SLC25A51: variants seen among roughly 807,000 people sequenced by gnomAD.
SLC25A51 encodes the protein solute carrier family 25 member 51, also known as mitochondrial nicotinamide adenine dinucleotide transporter SLC25A51.
In SLC25A51, 11 loss-of-function variants were observed where a neutral mutation model predicts 19.1. That is an observed-to-expected ratio of 0.58 (90% confidence interval 0.36 to 0.96). The LOEUF is 0.96. Among genes scored for constraint, SLC25A51 ranks in the 40% least tolerant of loss-of-function variants. The pLI is 0.01. For synonymous variants in SLC25A51, 105 were observed against 133.6 expected (o/e 0.79, Z 1.47); for missense variants, 201 against 365.4 (o/e 0.55, Z 3.67).
At chr9:37,885,883 C>G, downstream of SLC25A51, 3 of 1,598,000 alleles carry the variant, frequency 1.9e-6, no homozygotes, top group Non-Finnish European at 2.6e-6. Flanking sequence ...TGCAAACCCC[C>G]CCCTCCCCAT....
downstream of SLC25A51, among the ~76,000 whole-genome samples, chr9:37,884,897 A>G (rs893557914): frequency 6.6e-6 from 1 of 152,324 alleles, no homozygotes; most frequent in African/African-American, 2.4e-5. Flanking sequence ...CAAACAGAAA[A>G]CTTTCAAACC....
chr9:37,887,487 G>A (rs1587157684), downstream of SLC25A51: 1 of 731,750 alleles, frequency 1.4e-6, no homozygotes, highest in South Asian at 2.1e-5. Context: ...GGACTTGGAG[G>A]AGAAATCCCC....
intron 2 of SLC25A51, among the ~76,000 whole-genome samples, chr9:37,894,892 T>A (rs905637544): frequency 6.6e-5 from 10 of 152,278 alleles, no homozygotes; most frequent in African/African-American, 2.4e-4. Flanking sequence ...TGTTCCTGAG[T>A]TAGTATGCTA....
At chr9:37,890,603 G>A (rs1831561512) in intron 2 of SLC25A51, among the ~76,000 whole-genome samples, 1 of 151,980 alleles carries the variant, frequency 6.6e-6, no homozygotes. Context: ...GGTGGAGGGA[G>A]AAGGACCTCT....
downstream of SLC25A51, among the ~76,000 whole-genome samples, chr9:37,883,580 G>C (rs1273904447): frequency 6.6e-6 from 1 of 152,186 alleles, no homozygotes; most frequent in Non-Finnish European, 1.5e-5. Flanking sequence ...GCCCAATGGT[G>C]TCTATTCCCA....
At chr9:37,901,804 G>A (rs1831854324) in intron 1 of SLC25A51, among the ~76,000 whole-genome samples, 2 of 152,162 alleles carry the variant, frequency 1.3e-5, no homozygotes, top group African/African-American at 4.8e-5. Context: ...AGGGTATTGA[G>A]TTTGATAATT....
intron 1 of SLC25A51, 77 bp downstream of exon 1, chr9:37,903,991 C>G (rs1342358922): frequency 6.6e-6 from 1 of 152,490 alleles, no homozygotes; most frequent in Non-Finnish European, 1.5e-5. Flanking sequence ...CCCCAGCGGG[C>G]CCTTCAGCGC....
downstream of SLC25A51, among the ~76,000 whole-genome samples, chr9:37,877,736 G>A (rs963456024): frequency 5.9e-5 from 9 of 152,112 alleles, no homozygotes. Context: ...GGCCAGGCAT[G>A]GTGGCTCATG....
chr9:37,895,842 C>T (rs1248063243), intron 2 of SLC25A51, among the ~76,000 whole-genome samples: 34 of 149,112 alleles, frequency 2.3e-4, no homozygotes, highest in South Asian at 1.3e-3. Flanking sequence ...TTGAGAGAGT[C>T]TCACTCTATC....
intron 2 of SLC25A51, among the ~76,000 whole-genome samples, chr9:37,892,143 T>C (rs1831605546): frequency 2.0e-5 from 3 of 152,180 alleles, no homozygotes; most frequent in Non-Finnish European, 4.4e-5. Context: ...CAGGTACCTA[T>C]GTCAGGGGAG....
chr9:37,883,630 G>A (rs1462915301), downstream of SLC25A51, among the ~76,000 whole-genome samples: 2 of 152,208 alleles, frequency 1.3e-5, no homozygotes, highest in African/African-American at 2.4e-5. Flanking sequence ...CCTGCCCTGG[G>A]CTGAGTAGCT....
downstream of SLC25A51, chr9:37,886,257 G>A (rs1380371370): frequency 1.6e-5 from 25 of 1,612,792 alleles, no homozygotes; most frequent in East Asian, 2.2e-5. Context: ...AATGTGATCC[G>A]AGAATTTAAC....
intron 2 of SLC25A51, among the ~76,000 whole-genome samples, chr9:37,890,301 T>C (rs967103895): frequency 3.3e-5 from 5 of 152,286 alleles, no homozygotes; most frequent in South Asian, 2.1e-4. Context: ...GGAGGATCAA[T>C]TGAGCCAGGG....
At chr9:37,899,023 A>C (rs947685537) in intron 2 of SLC25A51, among the ~76,000 whole-genome samples, 1 of 152,322 alleles carries the variant, frequency 6.6e-6, no homozygotes, top group South Asian at 2.1e-4. Context: ...CCACACATGT[A>C]CTGTGTGACC....
chr9:37,882,352 G>A (rs368603643), intron 2 of SLC25A51, among the ~76,000 whole-genome samples: 1 of 152,070 alleles, frequency 6.6e-6, no homozygotes, highest in African/African-American at 2.4e-5. Flanking sequence ...GGCTTCACTC[G>A]AAGCCCTCTA....
At chr9:37,894,621 G>A (rs1377295756) in intron 2 of SLC25A51, among the ~76,000 whole-genome samples, 5 of 152,040 alleles carry the variant, frequency 3.3e-5, no homozygotes, top group African/African-American at 1.2e-4. Context: ...CCACTGGCCT[G>A]GCCTTTTACA....
chr9:37,897,335 A>T (rs1564070863), intron 2 of SLC25A51, among the ~76,000 whole-genome samples: 1 of 152,042 alleles, frequency 6.6e-6, no homozygotes, highest in Non-Finnish European at 1.5e-5. Flanking sequence ...GATTACAGAC[A>T]TGAGCCACTT....
At chr9:37,899,023 A>G (rs947685537) in intron 2 of SLC25A51, among the ~76,000 whole-genome samples, 4 of 152,204 alleles carry the variant, frequency 2.6e-5, no homozygotes, top group African/African-American at 7.2e-5. Context: ...CCACACATGT[A>G]CTGTGTGACC....
At chr9:37,884,085 G>C (rs1831399926), downstream of SLC25A51, among the ~76,000 whole-genome samples, 1 of 152,128 alleles carries the variant, frequency 6.6e-6, no homozygotes, top group Non-Finnish European at 1.5e-5. Flanking sequence ...CAATTATCCA[G>C]AAAGAAGAAA....
Sources: allele counts gnomAD v4.1 joint callset (sites outside exome capture counted in the v4.1 genomes callset), GRCh38; gene constraint gnomAD v4.1.1; transcripts MANE v1.5; gene names NCBI Gene and HGNC (gene_info 2026-07-23, HGNC 2026-07-21).